The following SUGCT variants were observed in gnomAD, a reference collection of about 807,000 sequenced individuals.
The protein encoded by SUGCT is succinyl-CoA:glutarate CoA-transferase.
In SUGCT, 41 loss-of-function variants were observed where a neutral mutation model predicts 55.0. That is an observed-to-expected ratio of 0.74 (90% CI 0.58 to 0.97). The LOEUF is 0.97. Among genes scored for constraint, SUGCT ranks in the 50% least tolerant of loss-of-function variants. The probability of loss-of-function intolerance (pLI) is 0.00; values close to 1 mark genes in which losing one functional copy is unlikely to be tolerated. For synonymous variants in SUGCT, 187 were observed against 200.4 expected, an observed-to-expected ratio of 0.93 and a Z score of 0.56; for missense variants, 568 against 547.8, an observed-to-expected ratio of 1.04 and a Z score of -0.37.
At chr7:40,324,430 AT>A (rs1273543975) in intron 9 of SUGCT, among the ~76,000 whole-genome samples, 1 of 151,222 alleles carries the variant, frequency 6.6e-6, no homozygotes, top group Non-Finnish European at 1.5e-5. Flanking sequence ...TAATTTTTGT[AT>A]TTTTAATAGA....
chr7:40,688,743 T>C (rs1784566874), intron 12 of SUGCT, among the ~76,000 whole-genome samples: 1 of 152,190 alleles, frequency 6.6e-6, no homozygotes, highest in African/African-American at 2.4e-5. Context: ...CTCTGCATGT[T>C]ACACATTTCT....
intron 12 of SUGCT, among the ~76,000 whole-genome samples, chr7:40,600,672 C>G (rs1798247062): frequency 6.7e-6 from 1 of 150,304 alleles, no homozygotes; most frequent in South Asian, 2.1e-4. Context: ...TTCTTTTTTT[C>G]TTGATCAAGG....
chr7:40,583,237 C>A (rs966501044), intron 12 of SUGCT, among the ~76,000 whole-genome samples: 10 of 152,082 alleles, frequency 6.6e-5, no homozygotes, highest in African/African-American at 2.4e-4. Flanking sequence ...CCTTTGAAAT[C>A]CTGTCATAAG....
At chr7:40,734,535 A>C (rs556720903) in intron 12 of SUGCT, among the ~76,000 whole-genome samples, 71 of 152,260 alleles carry the variant, frequency 4.7e-4, no homozygotes, top group African/African-American at 1.6e-3. Flanking sequence ...GCAAGTGTCA[A>C]GTATGGTCCT....
the SUGCT span, among the ~76,000 whole-genome samples, chr7:41,003,437 G>A: frequency 6.6e-6 from 1 of 152,188 alleles, no homozygotes; most frequent in African/African-American, 2.4e-5. Context: ...TATATCCAAA[G>A]AGACTCTGTT....
intron 13 of SUGCT, among the ~76,000 whole-genome samples, chr7:40,824,213 A>AC (rs1554429355): frequency 6.6e-6 from 1 of 152,066 alleles, no homozygotes; most frequent in Non-Finnish European, 1.5e-5. Flanking sequence ...TTGCTCAAAA[A>AC]AAAAAACAAA....
chr7:40,923,906 G>A, the SUGCT span, among the ~76,000 whole-genome samples: 11,089 of 152,166 alleles, frequency 0.073, 1,376 homozygotes, highest in African/African-American at 0.25. Context: ...ACTGTGGTCT[G>A]AATGTTTGTG....
chr7:40,384,468 G>C (rs997043880), intron 9 of SUGCT, among the ~76,000 whole-genome samples: 1 of 152,010 alleles, frequency 6.6e-6, no homozygotes, highest in Admixed American at 6.6e-5. Context: ...TAGATCACAG[G>C]TTCCCTGTGG....
intron 13 of SUGCT, among the ~76,000 whole-genome samples, chr7:40,749,931 G>T (rs1480822355): frequency 6.6e-6 from 1 of 152,194 alleles, no homozygotes; most frequent in Non-Finnish European, 1.5e-5. Flanking sequence ...TTTTCTTTCA[G>T]AACCGTGGTT....
chr7:40,413,403 A>T (rs1254841859), intron 9 of SUGCT, among the ~76,000 whole-genome samples: 1 of 152,146 alleles, frequency 6.6e-6, no homozygotes, highest in Non-Finnish European at 1.5e-5. Flanking sequence ...GGAAAGTCAG[A>T]TTCCTAAGTC....
chr7:40,644,272 T>C (rs1012639164), intron 12 of SUGCT, among the ~76,000 whole-genome samples: 1 of 152,226 alleles, frequency 6.6e-6, no homozygotes, highest in African/African-American at 2.4e-5. Flanking sequence ...GATCTTGATC[T>C]GTCTTAAAGT....
At chr7:40,752,245 C>T (rs897841353) in intron 13 of SUGCT, among the ~76,000 whole-genome samples, 4 of 152,264 alleles carry the variant, frequency 2.6e-5, no homozygotes, top group African/African-American at 9.6e-5. Flanking sequence ...TTCTGACGGT[C>T]ATGGCTGCAG....
rs1033673390 is a variant in SUGCT, at chr7:40,821,680, G to A, written c.1154-38636G>A. 2.8e-4 allele frequency among the ~76,000 whole-genome samples: 42 copies of A among 151,840 alleles called. 1 individual carries two copies. Among genetic ancestry groups the A allele is most frequent in the Admixed American group, 7.9e-4 (12 of 15,250 alleles). Reference sequence around the variant, plus strand: ...TTTCTTCTTTACTAGTCTTGCTAGCGGTCTGTCAATTTTGTTGATCTTTTC... The same window carrying A: ...TTTCTTCTTTACTAGTCTTGCTAGCAGTCTGTCAATTTTGTTGATCTTTTC... On this transcript the variant is annotated intron_variant, in intron 13 of 13. Coordinates refer to ENST00000335693, the MANE Select transcript of SUGCT (RefSeq NM_001193313.2).
intron 12 of SUGCT, among the ~76,000 whole-genome samples, chr7:40,654,693 A>G (rs1800933505): frequency 6.6e-6 from 1 of 152,180 alleles, no homozygotes; most frequent in Non-Finnish European, 1.5e-5. Context: ...GGGCTTTCAA[A>G]ATGTGGACAA....
intron 12 of SUGCT, among the ~76,000 whole-genome samples, chr7:40,589,055 A>AT (rs1301975730): frequency 6.6e-6 from 1 of 151,992 alleles, no homozygotes; most frequent in Non-Finnish European, 1.5e-5. Context: ...TCTAAATAAA[A>AT]TTTTTTCTAA....
the SUGCT span, among the ~76,000 whole-genome samples, chr7:40,964,352 G>A: frequency 3.3e-5 from 5 of 152,172 alleles, no homozygotes; most frequent in Admixed American, 6.5e-5. Context: ...TTATTTGCAT[G>A]CATCATAAAA....
intron 12 of SUGCT, among the ~76,000 whole-genome samples, chr7:40,691,190 T>G (rs1261053583): frequency 6.6e-6 from 1 of 152,202 alleles, no homozygotes; most frequent in African/African-American, 2.4e-5. Context: ...GGCCCTCTAC[T>G]TGAAGATGCA....
At chr7:40,761,566 ATTTTC>A in intron 13 of SUGCT, among the ~76,000 whole-genome samples, 1 of 152,284 alleles carries the variant, frequency 6.6e-6, no homozygotes, top group South Asian at 2.1e-4. Context: ...AGGTCAGTGA[ATTTTC>A]TTTACTTTGA....
intron 11 of SUGCT, among the ~76,000 whole-genome samples, chr7:40,495,810 A>T (rs1791938311): frequency 6.6e-6 from 1 of 152,206 alleles, no homozygotes; most frequent in Non-Finnish European, 1.5e-5. Flanking sequence ...GGTTGTTTGT[A>T]GGCCAATGGT....
Sources: allele counts gnomAD v4.1 joint callset (sites outside exome capture counted in the v4.1 genomes callset), GRCh38; gene constraint gnomAD v4.1.1; transcripts MANE v1.5; gene names NCBI Gene and HGNC (gene_info 2026-07-23, HGNC 2026-07-21).